Variants in DCTN6 observed in about 807,000 individuals in gnomAD.
DCTN6 encodes dynactin subunit 6.
A neutral mutation model predicts 25.8 loss-of-function variants in DCTN6; 15 were observed. The observed-to-expected ratio is 0.58, with a 90% confidence interval of 0.39 to 0.89. The LOEUF is 0.89. Ranked by LOEUF, DCTN6 falls within the 40% of genes least tolerant of loss-of-function variation. The probability of loss-of-function intolerance (pLI) is 0.00; values close to 1 mark genes in which losing one functional copy is unlikely to be tolerated. For missense variants in DCTN6, 198 were observed against 237.6 expected, an observed-to-expected ratio of 0.83 and a Z score of 1.09; for synonymous variants, 64 against 78.3, an observed-to-expected ratio of 0.82 and a Z score of 0.96.
intron 2 of DCTN6, among the ~76,000 whole-genome samples, chr8:30,168,838 A>C (rs969886421): frequency 6.6e-6 from 1 of 152,228 alleles, no homozygotes; most frequent in Non-Finnish European, 1.5e-5. Flanking sequence ...AGCTTGGGAA[A>C]AGTAACAGCC....
chr8:30,179,311 C>T (rs1350147872), intron 4 of DCTN6, 97 bp from the exon 5 acceptor site: 43 of 987,348 alleles, frequency 4.4e-5, no homozygotes, highest in Non-Finnish European at 5.6e-5. Flanking sequence ...CCATCTGACA[C>T]CCCTGTCCTC....
At position 30,175,554 on chromosome 8, in the gene DCTN6, G is replaced by A. The variant is rs149260935; in HGVS notation, c.194+364G>A. 3.8e-4 allele frequency among the ~76,000 whole-genome samples: 57 copies of A among 148,768 alleles called. 2 individuals are homozygous for A. The East Asian group carries it at 0.011, about 29-fold the overall frequency. ...TTTTTTTTTTTTTGATTTTTTGGTT[G>A]TAGCTGAAATGTTATTACTCATGCC... On this transcript the variant is annotated intron_variant, in intron 3 of 6. Coordinates refer to ENST00000221114, the MANE Select transcript of DCTN6 (RefSeq NM_006571.4).
chr8:30,176,068 A>G (rs1050124543), intron 3 of DCTN6, among the ~76,000 whole-genome samples: 5 of 152,254 alleles, frequency 3.3e-5, no homozygotes, highest in Non-Finnish European at 5.9e-5. Flanking sequence ...AACTAATAGC[A>G]ATAATTATTT....
At chr8:30,163,564 A>G (rs1803624341) in intron 1 of DCTN6, among the ~76,000 whole-genome samples, 2 of 152,214 alleles carry the variant, frequency 1.3e-5, no homozygotes, top group African/African-American at 4.8e-5. Flanking sequence ...ACGTGCTGCT[A>G]TTAAAAGAAA....
chr8:30,165,037 A>G (rs989984989), intron 2 of DCTN6, among the ~76,000 whole-genome samples: 1 of 152,220 alleles, frequency 6.6e-6, no homozygotes, highest in African/African-American at 2.4e-5. Flanking sequence ...ATTACAAGGA[A>G]AAAGAGGAGA....
At chr8:30,161,701 T>A (rs1279881459) in intron 1 of DCTN6, among the ~76,000 whole-genome samples, 1 of 152,124 alleles carries the variant, frequency 6.6e-6, no homozygotes, top group Non-Finnish European at 1.5e-5. Context: ...CTTAGATGTA[T>A]GCATATGGTA....
chr8:30,180,843 G>C (rs961683187), intron 6 of DCTN6: 1 of 590,864 alleles, frequency 1.7e-6, no homozygotes, highest in Non-Finnish European at 2.9e-6. Context: ...AGCAGCCTGG[G>C]CAACATAGTG....
chr8:30,182,969 C>T (rs1343767097), intron 6 of DCTN6, 106 bp from the exon 7 acceptor site: 2 of 836,174 alleles, frequency 2.4e-6, no homozygotes, highest in South Asian at 1.5e-5. Context: ...CTGTCTGGGC[C>T]TCCCAAAGTG....
At chr8:30,175,650 G>A (rs1470462647) in intron 3 of DCTN6, among the ~76,000 whole-genome samples, 1 of 151,072 alleles carries the variant, frequency 6.6e-6, no homozygotes, top group Non-Finnish European at 1.5e-5. Context: ...AATTATAGTT[G>A]AAAAATGTGG....
At chr8:30,172,033 C>T (rs746184313) in intron 2 of DCTN6, among the ~76,000 whole-genome samples, 2 of 152,114 alleles carry the variant, frequency 1.3e-5, no homozygotes, top group Non-Finnish European at 2.9e-5. Flanking sequence ...AGATTGTGTC[C>T]TGTTATCATA....
At position 30,156,370 on chromosome 8, in the gene DCTN6, A is replaced by C. The variant is rs1382075661; in HGVS notation, c.-14A>C. On this transcript the variant is annotated 5_prime_UTR_variant, in exon 1 of 7. Coordinates refer to ENST00000221114, the MANE Select transcript of DCTN6 (RefSeq NM_006571.4). ...GGCGGTGGTGTCGATCTACGTTCCA[A>C]TTGGGGCCGTACCATGGCGGAGAAG... The C allele has an allele frequency of 2.5e-6, 4 of 1,604,854 alleles. No individual in the cohort carries two copies. In the African/African-American group the frequency reaches 4.0e-5, roughly 16 times the overall value.
intron 2 of DCTN6, among the ~76,000 whole-genome samples, chr8:30,169,541 A>C (rs1237838026): frequency 6.6e-6 from 1 of 152,240 alleles, no homozygotes; most frequent in East Asian, 1.9e-4. Flanking sequence ...GCTTCAGCAC[A>C]TTTAGTAAGA....
At chr8:30,161,641 C>T (rs1056087282) in intron 1 of DCTN6, among the ~76,000 whole-genome samples, 2 of 152,116 alleles carry the variant, frequency 1.3e-5, no homozygotes, top group African/African-American at 4.8e-5. Flanking sequence ...CAGTGATGTC[C>T]AACCTGGGAG....
intron 4 of DCTN6, 148 bp from the exon 5 acceptor site, chr8:30,179,260 G>C (rs1476397260): frequency 1.2e-5 from 6 of 486,168 alleles, no homozygotes; most frequent in Non-Finnish European, 2.2e-5. Context: ...ACCACAGATT[G>C]CCCAGAGCAA....
At chr8:30,179,285 G>T (rs1803883162) in intron 4 of DCTN6, 123 bp from the exon 5 acceptor site, 2 of 625,934 alleles carry the variant, frequency 3.2e-6, no homozygotes, top group Middle Eastern at 3.2e-4. Context: ...TTCTGGCAAG[G>T]GTGAGCCTGC....
chr8:30,175,000 G>A lies in DCTN6; in HGVS notation c.89-85G>A. Reference sequence around the variant, plus strand: ...TACTTAGAAAATGTTCCTCCCAACAGCCTCACCCATCCTCAGTCACCTTCC... The same window carrying A: ...TACTTAGAAAATGTTCCTCCCAACAACCTCACCCATCCTCAGTCACCTTCC... On this transcript the variant is annotated intron_variant, in intron 2 of 6. Transcript: ENST00000221114. The A allele has an allele frequency of 3.9e-6, 5 of 1,268,360 alleles. No individual in the cohort carries two copies. The South Asian group carries it at 5.1e-5, about 13-fold the overall frequency. 78.6% of individuals were successfully genotyped at this position (1,268,360 alleles called of 1,614,324 possible).
intron 1 of DCTN6, among the ~76,000 whole-genome samples, chr8:30,159,242 G>GT (rs11421217): frequency 0.79 from 119,957 of 152,086 alleles, 49,826 homozygotes; most frequent in Middle Eastern, 0.93. Context: ...GGGATTATTA[G>GT]TTTTTTCTAT....
At chr8:30,182,707 C>A (rs1341986502) in intron 6 of DCTN6, among the ~76,000 whole-genome samples, 1 of 123,544 alleles carries the variant, frequency 8.1e-6, no homozygotes, top group Non-Finnish European at 1.7e-5. Flanking sequence ...TTTTTTTTTT[C>A]TTTGAGACAG....
chr8:30,169,174 G>T (rs1181069728), intron 2 of DCTN6, among the ~76,000 whole-genome samples: 1 of 152,192 alleles, frequency 6.6e-6, no homozygotes, highest in Non-Finnish European at 1.5e-5. Flanking sequence ...CATTGCGGCA[G>T]TCTTTTTCAG....
Sources: gnomAD v4.1 joint callset for allele counts (sites outside exome capture counted in the v4.1 genomes callset) on GRCh38, gnomAD v4.1.1 for gene constraint, MANE v1.5 for transcripts, NCBI Gene and HGNC (gene_info 2026-07-23, HGNC 2026-07-21) for gene names.